The following DNAH8 variants were observed in gnomAD, a reference collection of about 807,000 sequenced individuals.
DNAH8 encodes dynein axonemal heavy chain 8.
DNAH8 carries 382 observed loss-of-function variants against 562.1 expected under a neutral mutation model. The ratio of observed to expected loss-of-function variants is 0.68; its 90% CI spans 0.63 to 0.74. The LOEUF is 0.74. DNAH8 is among the 30% of genes least tolerant of loss of function. The pLI is 0.00. For missense variants in DNAH8, 5,203 were observed against 5,620.4 expected (o/e 0.93, Z 2.37); for synonymous variants, 1,881 against 1,919.4 (o/e 0.98, Z 0.52).
At chr6:38,932,683 G>T (rs557469671) in intron 76 of DNAH8, among the ~76,000 whole-genome samples, 1 of 152,238 alleles carries the variant, frequency 6.6e-6, no homozygotes, top group African/African-American at 2.4e-5. Context: ...ACAAAGGCAA[G>T]GTTAGAAATA....
intron 11 of DNAH8, chr6:38,764,789 G>A (rs950512386): frequency 6.7e-6 from 1 of 148,684 alleles, no homozygotes; most frequent in Non-Finnish European, 1.5e-5. Flanking sequence ...CTGGCTATTT[G>A]TATGTTTTTT....
At chr6:39,020,636 G>A (rs1305392770) in intron 91 of DNAH8, among the ~76,000 whole-genome samples, 1 of 152,070 alleles carries the variant, frequency 6.6e-6, no homozygotes, top group African/African-American at 2.4e-5. Flanking sequence ...TTTAAGCCCC[G>A]CATGCATCAG....
chr6:38,893,888 A>G (rs1779505936), intron 58 of DNAH8, among the ~76,000 whole-genome samples: 1 of 152,230 alleles, frequency 6.6e-6, no homozygotes, highest in African/African-American at 2.4e-5. Context: ...AATGATATCA[A>G]TTATGATCTT....
intron 85 of DNAH8, among the ~76,000 whole-genome samples, chr6:38,977,388 C>T (rs979459260): frequency 2.0e-5 from 3 of 152,192 alleles, no homozygotes; most frequent in African/African-American, 7.2e-5. Flanking sequence ...ACCCCTGCTG[C>T]AGTCCAGTGA....
rs560571731 is a variant in DNAH8, at chr6:38,950,055, G to T, written c.12248+485G>T. The stretch of plus-strand genomic sequence containing the variant: ...TTGAAATATATAAATGCTACTTTTG[G>T]CTATAAAATGGAAACAAAAGTTTGA... On this transcript the variant is annotated intron_variant, in intron 81 of 92. Transcript: ENST00000327475. 5.3e-5 allele frequency among the ~76,000 whole-genome samples: 8 copies of T among 152,220 alleles called. No homozygotes were observed. The East Asian group carries it at 1.4e-3, about 26-fold the overall frequency.
intron 92 of DNAH8, among the ~76,000 whole-genome samples, chr6:39,027,280 C>T (rs1767361363): frequency 6.6e-6 from 1 of 152,096 alleles, no homozygotes; most frequent in South Asian, 2.1e-4. Context: ...TCTCCAGCTA[C>T]TGCTGTGGGC....
rs1391926018 is a variant in DNAH8 at position 38,828,362 on chromosome 6, T to G, written c.4188+74T>G. The G allele has an allele frequency of 9.5e-6, 8 of 840,886 alleles. No individual in the cohort carries two copies. In the African/African-American group the frequency reaches 1.4e-4, roughly 15 times the overall value. The allele number at this position is 840,886 out of a possible 1,614,324, so 52.1% of individuals were successfully genotyped here. On this transcript the variant is annotated intron_variant, in intron 30 of 92. Transcript: ENST00000327475. ...GAAAAAAAAGGTATTTTATACCTTT[T>G]TAAAGCTTAATATACAGTCATGTGC... is the stretch of plus-strand genomic sequence containing the variant.
At chr6:38,985,567 G>T (rs1283001204) in intron 87 of DNAH8, among the ~76,000 whole-genome samples, 1 of 152,182 alleles carries the variant, frequency 6.6e-6, no homozygotes, top group Non-Finnish European at 1.5e-5. Context: ...TGCGGAGGGA[G>T]GAGCCCTGCT....
At position 38,981,615 on chromosome 6, in the gene DNAH8, G is replaced by A. The variant is rs150205336; in HGVS notation, c.12835-731G>A. ...AAAGGGAAGCCATCACAGAATCTAA[G>A]TGCTCTTGAGAGAGGTTTAGATAAT... is the stretch of plus-strand genomic sequence containing the variant. On this transcript the variant is annotated intron_variant, in intron 85 of 92. Coordinates refer to ENST00000327475, the MANE Select transcript of DNAH8 (RefSeq NM_001206927.2). Among the ~76,000 whole-genome samples the A allele has an allele frequency of 2.6e-5, 4 of 152,342 alleles. No homozygotes were observed. In the East Asian group the frequency reaches 7.7e-4, roughly 29 times the overall value.
intron 45 of DNAH8, among the ~76,000 whole-genome samples, chr6:38,866,283 T>C (rs1444374498): frequency 1.3e-5 from 2 of 152,226 alleles, no homozygotes; most frequent in African/African-American, 4.8e-5. Context: ...TTCTCTTGTA[T>C]TATTTCACGT....
chr6:38,826,640 G>A (rs771487550), intron 29 of DNAH8, among the ~76,000 whole-genome samples: 8 of 152,154 alleles, frequency 5.3e-5, no homozygotes, highest in Non-Finnish European at 1.0e-4. Context: ...GGTAGGTAGT[G>A]TTTAATTTTT....
At chr6:38,922,174 A>C (rs1205636440) in intron 71 of DNAH8, among the ~76,000 whole-genome samples, 1 of 151,838 alleles carries the variant, frequency 6.6e-6, no homozygotes, top group Non-Finnish European at 1.5e-5. Flanking sequence ...GACAGGGGCA[A>C]TCTACCTAGC....
intron 37 of DNAH8, among the ~76,000 whole-genome samples, chr6:38,850,004 A>C (rs995182482): frequency 1.3e-5 from 2 of 152,212 alleles, no homozygotes; most frequent in Non-Finnish European, 2.9e-5. Context: ...AAAACATGTT[A>C]AATGCAATGA....
intron 43 of DNAH8, among the ~76,000 whole-genome samples, chr6:38,861,535 G>C (rs1776617741): frequency 6.6e-6 from 1 of 152,158 alleles, no homozygotes; most frequent in Non-Finnish European, 1.5e-5. Flanking sequence ...GAGCTGACTT[G>C]CATCAGCCTG....
At chr6:38,897,994 T>C (rs1430841433) in intron 60 of DNAH8, among the ~76,000 whole-genome samples, 1 of 152,172 alleles carries the variant, frequency 6.6e-6, no homozygotes, top group East Asian at 1.9e-4. Flanking sequence ...CCTATATTAA[T>C]GTGTTAATTA....
At chr6:39,014,691 G>A (rs1438551054) in intron 91 of DNAH8, among the ~76,000 whole-genome samples, 2 of 152,176 alleles carry the variant, frequency 1.3e-5, no homozygotes, top group Non-Finnish European at 2.9e-5. Context: ...AAAAAAGAGC[G>A]GGTGCTTTCC....
chr6:38,833,710 T>C (rs1562940922), intron 31 of DNAH8, among the ~76,000 whole-genome samples: 2 of 152,322 alleles, frequency 1.3e-5, no homozygotes, highest in Middle Eastern at 6.8e-3. Context: ...GTGCTCACTC[T>C]GTAAAAGCCT....
intron 52 of DNAH8, among the ~76,000 whole-genome samples, chr6:38,874,731 T>C (rs1322588970): frequency 6.6e-6 from 1 of 152,148 alleles, no homozygotes; most frequent in East Asian, 1.9e-4. Flanking sequence ...GAATTAATCA[T>C]AGATCTTCAA....
chr6:38,783,138 C>A lies in DNAH8; in HGVS notation c.2394C>A (p.Tyr798Ter). ...AWIREISQLH[Y>*]ALQATLFVRH... is the part of the protein sequence containing the mutation. The stretch of plus-strand genomic sequence containing the variant: ...TCAGAGAGATTTCACAGTTGCATTA[C>A]GGTGTGTATAACACTGCCATGAGCC... The change falls in exon 17 of 93, where the codon TAC becomes TAA. Residue 798 changes from tyrosine to a stop codon, truncating the protein, a stop_gained and splice_region_variant. Coordinates refer to ENST00000327475, the MANE Select transcript of DNAH8 (RefSeq NM_001206927.2). LOFTEE classifies it high-confidence loss of function. 1 of 1,613,774 alleles carries A rather than the reference C, an allele frequency of 6.2e-7. No homozygotes were observed. Among genetic ancestry groups the A allele is most frequent in the Non-Finnish European group, 8.5e-7 (1 of 1,179,784 alleles).
Sources: gnomAD v4.1 joint callset for allele counts (sites outside exome capture counted in the v4.1 genomes callset) on GRCh38, gnomAD v4.1.1 for gene constraint, MANE v1.5 for transcripts, NCBI Gene and HGNC (gene_info 2026-07-23, HGNC 2026-07-21) for gene names.